Variants in CYP4X1 observed in about 807,000 individuals in gnomAD.
CYP4X1 encodes the protein cytochrome P450 family 4 subfamily X member 1.
In CYP4X1, 44 loss-of-function variants were observed where a neutral mutation model predicts 57.9. The observed-to-expected ratio is 0.76, with a 90% CI of 0.60 to 0.98. CYP4X1 has a LOEUF of 0.98. CYP4X1 is among the 50% of genes least tolerant of loss of function. The pLI is 0.00. For missense variants in CYP4X1, 532 were observed against 623.9 expected (o/e 0.85, Z 1.57); for synonymous variants, 227 against 228.6 (o/e 0.99, Z 0.06).
At chr1:47,033,184 T>C (rs770247607) in intron 3 of CYP4X1, 57 bp from the exon 4 acceptor site, 9 of 1,579,960 alleles carry the variant, frequency 5.7e-6, no homozygotes, top group Non-Finnish European at 7.7e-6. Flanking sequence ...GTTCCTCATC[T>C]ATCCTTCATC....
At chr1:46,974,788 T>C in the CYP4X1 span, among the ~76,000 whole-genome samples, 2 of 152,198 alleles carry the variant, frequency 1.3e-5, no homozygotes, top group Non-Finnish European at 2.9e-5. Context: ...TCTTGGTAGA[T>C]CTTTCTCCAT....
At chr1:47,030,244 A>C in intron 2 of CYP4X1, 113 bp downstream of exon 2, 1 of 1,336,382 alleles carries the variant, frequency 7.5e-7, no homozygotes, top group East Asian at 2.4e-5. Flanking sequence ...GAGACACAGC[A>C]GCAAGTATGG....
At chr1:46,984,674 G>A in the CYP4X1 span, among the ~76,000 whole-genome samples, 1 of 152,186 alleles carries the variant, frequency 6.6e-6, no homozygotes, top group East Asian at 1.9e-4. Context: ...GTGCATTCCA[G>A]CCCAGATACT....
At chr1:47,009,079 C>T in the CYP4X1 span, among the ~76,000 whole-genome samples, 1 of 152,186 alleles carries the variant, frequency 6.6e-6, no homozygotes. Flanking sequence ...TAATAGACAT[C>T]TACAGAACTC....
chr1:46,985,873 C>T, the CYP4X1 span, among the ~76,000 whole-genome samples: 1 of 152,286 alleles, frequency 6.6e-6, no homozygotes, highest in African/African-American at 2.4e-5. Context: ...AGATCACCAA[C>T]ATCAAAGACT....
chr1:46,976,536 A>T, the CYP4X1 span, among the ~76,000 whole-genome samples: 3 of 152,314 alleles, frequency 2.0e-5, no homozygotes, highest in Non-Finnish European at 4.4e-5. Flanking sequence ...GCTGAACAAA[A>T]GGTAGCAGAA....
rs142075062 is a variant in CYP4X1 at position 47,036,150 on chromosome 1, C to T, written c.754C>T (p.Arg252Ter). The T allele has an allele frequency of 1.1e-4, 177 of 1,613,170 alleles. No homozygotes were observed. The highest frequency in any genetic ancestry group is 5.2e-4 in the Admixed American group (31 of 59,920). ...GGGCTACCGCTTCCAGAAGTTAAGC[C>T]GAGTGTTGAATCAGTACACAGGTAT... is the stretch of plus-strand genomic sequence containing the variant. Reference protein sequence around the residue: ...PQGYRFQKLSRVLNQYTDTII... With the variant: ...PQGYRFQKLS Residue 252 changes from arginine to a stop codon, truncating the protein, a stop_gained, in exon 6 of 12, where the codon CGA becomes TGA. Coordinates refer to ENST00000371901, the MANE Select transcript of CYP4X1 (RefSeq NM_178033.2). LOFTEE classifies it high-confidence loss of function.
intron 11 of CYP4X1, 37 bp downstream of exon 11, chr1:47,049,541 A>T: frequency 6.4e-7 from 1 of 1,568,554 alleles, no homozygotes; most frequent in Non-Finnish European, 8.8e-7. Context: ...GTACCCAAAG[A>T]TGTTTACTTG....
upstream of CYP4X1, among the ~76,000 whole-genome samples, chr1:47,023,235 C>T (rs1436288230): frequency 6.6e-6 from 1 of 152,146 alleles, no homozygotes; most frequent in East Asian, 1.9e-4. Flanking sequence ...GCATATCTTC[C>T]CCGTTCAGTG....
At chr1:46,998,622 T>A in the CYP4X1 span, among the ~76,000 whole-genome samples, 3 of 152,200 alleles carry the variant, frequency 2.0e-5, no homozygotes, top group Non-Finnish European at 4.4e-5. Context: ...TGGTTGCATT[T>A]GCTTATGAGA....
chr1:47,011,659 T>A, the CYP4X1 span, among the ~76,000 whole-genome samples: 1 of 152,176 alleles, frequency 6.6e-6, no homozygotes, highest in East Asian at 1.9e-4. Context: ...AATCTACCCA[T>A]CTGGCAAATG....
chr1:47,029,893 C>T (rs2148506249), intron 1 of CYP4X1, 97 bp from the exon 2 acceptor site: 2 of 1,385,214 alleles, frequency 1.4e-6, no homozygotes, highest in Non-Finnish European at 9.9e-7. Context: ...GGCTCCTCTG[C>T]TTGTGTGACC....
chr1:47,026,721 T>A (rs2148504599), intron 1 of CYP4X1, among the ~76,000 whole-genome samples: 1 of 150,732 alleles, frequency 6.6e-6, no homozygotes, highest in Non-Finnish European at 1.5e-5. Context: ...TTTTTGTTGT[T>A]TTTTTTTGTT....
At chr1:46,988,249 T>C in the CYP4X1 span, among the ~76,000 whole-genome samples, 4 of 152,236 alleles carry the variant, frequency 2.6e-5, no homozygotes, top group South Asian at 6.2e-4. Context: ...CAGAAAGTAC[T>C]ATAAACACCT....
At chr1:47,033,029 A>C (rs1422147006) in intron 3 of CYP4X1, among the ~76,000 whole-genome samples, 2 of 152,164 alleles carry the variant, frequency 1.3e-5, no homozygotes. Context: ...ACTGTTTCTC[A>C]CAATATTAAA....
At chr1:46,976,853 A>G in the CYP4X1 span, among the ~76,000 whole-genome samples, 1 of 152,194 alleles carries the variant, frequency 6.6e-6, no homozygotes. Context: ...GACCTCCAGC[A>G]AACTCCAACA....
chr1:47,004,367 G>A, the CYP4X1 span, among the ~76,000 whole-genome samples: 1 of 152,288 alleles, frequency 6.6e-6, no homozygotes, highest in South Asian at 2.1e-4. Context: ...AGCCAGCCAG[G>A]AGGTAAGCCC....
chr1:47,032,369 T>C (rs1644134008), intron 3 of CYP4X1, among the ~76,000 whole-genome samples: 1 of 152,200 alleles, frequency 6.6e-6, no homozygotes, highest in South Asian at 2.1e-4. Flanking sequence ...GGGGAAGTCA[T>C]TTAATCTCTC....
downstream of CYP4X1, among the ~76,000 whole-genome samples, chr1:47,052,224 A>G (rs1644363992): frequency 1.3e-5 from 2 of 152,126 alleles, no homozygotes; most frequent in Non-Finnish European, 2.9e-5. Flanking sequence ...TAATTATTAT[A>G]TTATTGTTTT....
Sources: allele counts gnomAD v4.1 joint callset (sites outside exome capture counted in the v4.1 genomes callset), GRCh38; gene constraint gnomAD v4.1.1; transcripts MANE v1.5; gene names NCBI Gene and HGNC (gene_info 2026-07-23, HGNC 2026-07-21).